Variants in TTC29 observed in about 807,000 individuals in gnomAD.
TTC29 encodes the protein tetratricopeptide repeat domain 29.
TTC29 carries 49 observed loss-of-function variants against 58.1 expected under a neutral mutation model. That is an observed-to-expected ratio of 0.84 (90% CI 0.67 to 1.07). The LOEUF (loss-of-function observed/expected upper bound fraction) is 1.07, where lower values mean the gene tolerates loss of function less well. Among genes scored for constraint, TTC29 ranks in the 50% least tolerant of loss-of-function variants. The pLI is 0.00. For missense variants in TTC29, 582 were observed against 555.6 expected, an observed-to-expected ratio of 1.05 and a Z score of -0.48; for synonymous variants, 209 against 196.8, an observed-to-expected ratio of 1.06 and a Z score of -0.52.
chr4:146,711,051 G>A (rs935820719), intron 11 of TTC29, among the ~76,000 whole-genome samples: 2 of 151,986 alleles, frequency 1.3e-5, no homozygotes, highest in Non-Finnish European at 2.9e-5. Flanking sequence ...GACTGGAAAG[G>A]TAAATGAATT....
At chr4:146,854,976 G>A (rs558243365) in intron 8 of TTC29, among the ~76,000 whole-genome samples, 1 of 151,796 alleles carries the variant, frequency 6.6e-6, no homozygotes, top group East Asian at 1.9e-4. Flanking sequence ...TTCTATTCTC[G>A]GCCATCATCT....
intron 11 of TTC29, among the ~76,000 whole-genome samples, chr4:146,757,206 T>A (rs1392447944): frequency 2.0e-5 from 3 of 152,072 alleles, no homozygotes; most frequent in African/African-American, 4.8e-5. Context: ...GTTCGGATTT[T>A]TTTTTTTGTC....
At chr4:146,823,515 A>G (rs1175977163) in intron 9 of TTC29, among the ~76,000 whole-genome samples, 1 of 152,172 alleles carries the variant, frequency 6.6e-6, no homozygotes, top group East Asian at 1.9e-4. Context: ...CTTGTAGTAT[A>G]GTTTGAAGTC....
At chr4:146,892,384 C>G (rs1287812557) in intron 6 of TTC29, among the ~76,000 whole-genome samples, 1 of 152,126 alleles carries the variant, frequency 6.6e-6, no homozygotes, top group Non-Finnish European at 1.5e-5. Flanking sequence ...TCAACATACG[C>G]AAATCAATAA....
At chr4:146,716,092 C>T (rs975899149) in intron 11 of TTC29, among the ~76,000 whole-genome samples, 2 of 152,062 alleles carry the variant, frequency 1.3e-5, no homozygotes, top group Non-Finnish European at 2.9e-5. Context: ...CAACATCTCT[C>T]GAATCTGAAA....
At chr4:146,728,328 C>T (rs1041299565) in intron 11 of TTC29, among the ~76,000 whole-genome samples, 31 of 151,644 alleles carry the variant, frequency 2.0e-4, no homozygotes, top group African/African-American at 6.5e-4. Flanking sequence ...AGCAATGTAC[C>T]ATAATCTAAC....
At chr4:146,780,964 A>G (rs1472527848) in intron 11 of TTC29, among the ~76,000 whole-genome samples, 1 of 152,062 alleles carries the variant, frequency 6.6e-6, no homozygotes, top group Non-Finnish European at 1.5e-5. Flanking sequence ...GAAGATTAAA[A>G]TGGTTAGATA....
chr4:146,905,541 TA>T (rs1733467540), intron 5 of TTC29, among the ~76,000 whole-genome samples: 1 of 151,894 alleles, frequency 6.6e-6, no homozygotes, highest in South Asian at 2.1e-4. Context: ...ATATTAAATA[TA>T]AAAGAATATA....
intron 4 of TTC29, among the ~76,000 whole-genome samples, chr4:146,911,757 G>C (rs555574510): frequency 6.6e-6 from 1 of 152,256 alleles, no homozygotes; most frequent in Admixed American, 6.5e-5. Context: ...GTTGGCACTG[G>C]CATCCCTTAT....
chr4:146,714,804 G>T (rs1235278292), intron 11 of TTC29, among the ~76,000 whole-genome samples: 3 of 152,076 alleles, frequency 2.0e-5, no homozygotes, highest in Non-Finnish European at 4.4e-5. Context: ...GAGCATCAGA[G>T]GTAAGTACAA....
chr4:146,873,665 T>C (rs1731076915), intron 7 of TTC29, among the ~76,000 whole-genome samples: 1 of 152,184 alleles, frequency 6.6e-6, no homozygotes, highest in South Asian at 2.1e-4. Flanking sequence ...TTTACCCCTT[T>C]GGGGGAAGGT....
intron 8 of TTC29, among the ~76,000 whole-genome samples, chr4:146,856,017 G>A (rs1729829096): frequency 6.6e-6 from 1 of 152,122 alleles, no homozygotes; most frequent in Admixed American, 6.6e-5. Flanking sequence ...GATGAACTAT[G>A]CAGGTTGCTT....
At chr4:146,718,483 T>G (rs146570823) in intron 11 of TTC29, among the ~76,000 whole-genome samples, 1 of 152,220 alleles carries the variant, frequency 6.6e-6, no homozygotes, top group Non-Finnish European at 1.5e-5. Context: ...TGTTTCCATA[T>G]GTCTGTTCGC....
intron 6 of TTC29, among the ~76,000 whole-genome samples, chr4:146,901,293 T>C (rs1733132146): frequency 1.3e-5 from 2 of 152,284 alleles, no homozygotes; most frequent in South Asian, 2.1e-4. Flanking sequence ...AGTGTGTACA[T>C]TTATAATCAC....
At chr4:146,713,283 C>T (rs948731326) in intron 11 of TTC29, among the ~76,000 whole-genome samples, 1 of 76,362 alleles carries the variant, frequency 1.3e-5, no homozygotes, top group African/African-American at 4.7e-5. Context: ...TTTCTTTATT[C>T]GTTTTCCTCC....
intron 4 of TTC29, among the ~76,000 whole-genome samples, chr4:146,911,672 T>A (rs1350766624): frequency 6.6e-6 from 1 of 152,196 alleles, no homozygotes; most frequent in African/African-American, 2.4e-5. Flanking sequence ...TTCTGGTCCC[T>A]TACTGGTTGC....
At chr4:146,742,616 C>T (rs200742169) in intron 11 of TTC29, among the ~76,000 whole-genome samples, 2 of 67,398 alleles carry the variant, frequency 3.0e-5, no homozygotes, top group Non-Finnish European at 7.0e-5. Flanking sequence ...CCTTCCTTCC[C>T]TCCCTTCCTT....
At chr4:146,748,392 G>A (rs575752913) in intron 11 of TTC29, among the ~76,000 whole-genome samples, 19 of 152,260 alleles carry the variant, frequency 1.2e-4, no homozygotes, top group African/African-American at 4.3e-4. Context: ...ACAAGACCCT[G>A]AGCCCAGGAA....
At chr4:146,794,030 C>A (rs1749657924) in intron 11 of TTC29, among the ~76,000 whole-genome samples, 1 of 152,120 alleles carries the variant, frequency 6.6e-6, no homozygotes. Flanking sequence ...TTAGTAGATT[C>A]ATGTAAGTAA....
Sources: allele counts gnomAD v4.1 joint callset (sites outside exome capture counted in the v4.1 genomes callset), GRCh38; gene constraint gnomAD v4.1.1; transcripts MANE v1.5; gene names NCBI Gene and HGNC (gene_info 2026-07-23, HGNC 2026-07-21).